ZNF875: variants seen among roughly 807,000 people sequenced by gnomAD.
ZNF875 encodes the protein zinc finger protein 875.
ZNF875 carries 14 observed loss-of-function variants against 11.2 expected under a neutral mutation model. The observed-to-expected ratio is 1.26, with a 90% CI of 0.83 to 1.96. The LOEUF is 1.96. ZNF875 is among the 30% of genes most tolerant of loss of function. The pLI is 0.00. For missense variants in ZNF875, 752 were observed against 760.4 expected, an observed-to-expected ratio of 0.99 and a Z score of 0.13; for synonymous variants, 301 against 281.1, an observed-to-expected ratio of 1.07 and a Z score of -0.71.
chr19:37,357,425 G>A (rs186991256), intron 4 of ZNF875, among the ~76,000 whole-genome samples: 1 of 152,274 alleles, frequency 6.6e-6, no homozygotes. Flanking sequence ...GCTTTGGGCA[G>A]TATCATCATT....
intron 4 of ZNF875, among the ~76,000 whole-genome samples, chr19:37,361,395 A>G (rs1208185641): frequency 6.6e-6 from 1 of 151,900 alleles, no homozygotes; most frequent in Non-Finnish European, 1.5e-5. Flanking sequence ...AGGCGTCATA[A>G]GTTTTTGAGA....
At position 37,362,966 on chromosome 19, in the gene ZNF875, G is replaced by A. The variant is rs371438336; in HGVS notation, c.1114G>A (p.Gly372Arg). ...GAAGCCTTATGTTTGCAGGGAATGT[G>A]GGCGTGGCTTTCGCCAGCATTCACA... is the stretch of plus-strand genomic sequence containing the variant. ...GEKPYVCREC[G>R]RGFRQHSHLV... Residue 372 changes from glycine (G) to arginine (R), a missense_variant, in exon 5 of 5, where the codon GGG (glycine) becomes AGG (arginine). By Grantham distance (125) the Gly-to-Arg change is moderately radical. Transcript: ENST00000392153. The A allele has an allele frequency of 6.2e-7, 1 of 1,614,182 alleles. No individual in the cohort carries two copies. The highest frequency in any genetic ancestry group is 1.7e-5 in the Admixed American group (1 of 60,032).
chr19:37,317,148 T>A (rs1167441411), upstream of ZNF875: 5 of 147,834 alleles, frequency 3.4e-5, no homozygotes, highest in African/African-American at 1.3e-4. Context: ...CTACATTTCC[T>A]TTATTTTATT....
Position 37,363,750 on chromosome 19 carries a change from G to A in ZNF875, c.1898G>A (p.Arg633Lys). 1 of 1,612,660 alleles carries A rather than the reference G, an allele frequency of 6.2e-7. No homozygotes were observed. The highest frequency in any genetic ancestry group is 1.1e-5 in the South Asian group (1 of 90,818). ...TTTAGTCGGAAGTCCAACCTTATCA[G>A]ACATCAGAGGACACACTCAGGATAG... is the stretch of plus-strand genomic sequence containing the variant. ...RGFSRKSNLI[R>K]HQRTHSG Residue 633 changes from arginine to lysine, a missense_variant, in exon 5 of 5, where the codon AGA becomes AAA. By Grantham distance (26) the Arg-to-Lys change is conservative. Coordinates refer to ENST00000392153, the MANE Select transcript of ZNF875 (RefSeq NM_001353803.2).
At chr19:37,319,404 T>G (rs1279790559) in intron 1 of ZNF875, among the ~76,000 whole-genome samples, 1 of 143,568 alleles carries the variant, frequency 7.0e-6, no homozygotes, top group Non-Finnish European at 1.5e-5. Context: ...CCTAAATCCT[T>G]TAAAATGTTA....
chr19:37,346,300 T>C (rs1308737594), intron 2 of ZNF875: 3 of 152,194 alleles, frequency 2.0e-5, no homozygotes, highest in African/African-American at 7.2e-5. Context: ...CAGGAGAAAC[T>C]GACGTGCTGA....
intron 1 of ZNF875, among the ~76,000 whole-genome samples, chr19:37,321,913 C>A (rs954069909): frequency 4.7e-4 from 72 of 152,294 alleles, no homozygotes; most frequent in African/African-American, 1.7e-3. Flanking sequence ...CTGATAGCTG[C>A]ATTTCTAAGT....
upstream of ZNF875, among the ~76,000 whole-genome samples, chr19:37,316,002 G>T (rs1381457231): frequency 6.6e-6 from 1 of 152,090 alleles, no homozygotes; most frequent in African/African-American, 2.4e-5. Flanking sequence ...TTCCATCCCT[G>T]ATACTCAGGC....
intron 2 of ZNF875, among the ~76,000 whole-genome samples, chr19:37,336,724 C>T (rs1405572749): frequency 6.7e-6 from 1 of 150,170 alleles, no homozygotes; most frequent in Non-Finnish European, 1.5e-5. Context: ...CTGGCTGACA[C>T]GGTGAAACCC....
chr19:37,355,001 T>C (rs2038647227), intron 4 of ZNF875, among the ~76,000 whole-genome samples: 1 of 152,214 alleles, frequency 6.6e-6, no homozygotes, highest in Non-Finnish European at 1.5e-5. Context: ...TTAAGACATA[T>C]GGCATATATG....
intron 2 of ZNF875, among the ~76,000 whole-genome samples, chr19:37,336,460 A>C (rs12104380): frequency 0.25 from 37,681 of 150,374 alleles, 5,482 homozygotes; most frequent in African/African-American, 0.39. Flanking sequence ...CCACCATGCC[A>C]GGCTAATTTT....
chr19:37,315,556 A>T (rs2030142893), upstream of ZNF875: 1 of 152,124 alleles, frequency 6.6e-6, no homozygotes, highest in South Asian at 2.1e-4. Flanking sequence ...TGAAATGGAA[A>T]ATTTAAAATG....
chr19:37,337,166 A>C (rs982356362), intron 2 of ZNF875: 6 of 147,848 alleles, frequency 4.1e-5, no homozygotes, highest in Non-Finnish European at 8.9e-5. Context: ...CCTTCAGAGT[A>C]TCAGCTGCAC....
At chr19:37,326,261 G>A (rs1246028222) in intron 4 of ZNF875, among the ~76,000 whole-genome samples, 2 of 152,202 alleles carry the variant, frequency 1.3e-5, no homozygotes, top group Admixed American at 6.5e-5. Context: ...GCAAGTGCCT[G>A]CCTTATTGGA....
chr19:37,354,174 T>C (rs1181580008), intron 4 of ZNF875, among the ~76,000 whole-genome samples: 2 of 151,850 alleles, frequency 1.3e-5, no homozygotes, highest in African/African-American at 4.8e-5. Flanking sequence ...TTCTGTTTGC[T>C]ATTAAACCTG....
intron 4 of ZNF875, among the ~76,000 whole-genome samples, chr19:37,351,772 A>G (rs548574382): frequency 6.6e-6 from 1 of 152,192 alleles, no homozygotes; most frequent in South Asian, 2.1e-4. Flanking sequence ...TTGTTGAGAG[A>G]ATGTATTCTG....
At chr19:37,329,204 G>C (rs1275001236) in intron 4 of ZNF875, 1 of 152,186 alleles carries the variant, frequency 6.6e-6, no homozygotes, top group African/African-American at 2.4e-5. Context: ...CCTGATCCCT[G>C]TTGCTCCCTT....
At position 37,363,598 on chromosome 19, in the gene ZNF875, C is replaced by T. The variant is rs367650192; in HGVS notation, c.1746C>T (p.His582=). ...KLTLIKHQRA[H]AGGKPHVCRE... is the part of the protein sequence containing the mutation. ...CTCTCATTAAACACCAGAGAGCACA[C>T]GCAGGGGGGAAGCCTCATGTGTGCA... is the stretch of plus-strand genomic sequence containing the variant. The change falls in exon 5 of 5, where the codon CAC becomes CAT. Residue 582 remains histidine, a synonymous_variant. Coordinates refer to ENST00000392153, the MANE Select transcript of ZNF875 (RefSeq NM_001353803.2). 95 of 1,612,556 alleles carry T rather than the reference C, an allele frequency of 5.9e-5. No individual in the cohort carries two copies. Among genetic ancestry groups the T allele is most frequent in the South Asian group, 2.1e-4 (19 of 90,992 alleles).
chr19:37,321,528 A>G (rs2031451478), intron 1 of ZNF875, among the ~76,000 whole-genome samples: 1 of 152,172 alleles, frequency 6.6e-6, no homozygotes, highest in South Asian at 2.1e-4. Context: ...CTCAGAGACC[A>G]GTGCCAGCAT....
Sources: allele counts gnomAD v4.1 joint callset (sites outside exome capture counted in the v4.1 genomes callset), GRCh38; gene constraint gnomAD v4.1.1; transcripts MANE v1.5; gene names NCBI Gene and HGNC (gene_info 2026-07-23, HGNC 2026-07-21).